The following PFKFB1 variants were observed in gnomAD, a reference collection of about 807,000 sequenced individuals.
PFKFB1 encodes the protein 6-phosphofructo-2-kinase/fructose-2,6-bisphosphatase 1.
Under a neutral mutation model 46.4 loss-of-function variants are expected in PFKFB1, and 34 were observed. The observed-to-expected ratio is 0.73, with a 90% confidence interval of 0.56 to 0.98. The LOEUF (loss-of-function observed/expected upper bound fraction) is 0.98, where lower values mean the gene tolerates loss of function less well. Among genes scored for constraint, PFKFB1 ranks in the 50% least tolerant of loss-of-function variants. The pLI is 0.00. For synonymous variants in PFKFB1, 119 were observed against 133.8 expected (o/e 0.89, Z 0.76); for missense variants, 393 against 376.3 (o/e 1.04, Z -0.37).
intron 1 of PFKFB1, among the ~76,000 whole-genome samples, chrX:54,984,671 C>A: frequency 9.0e-6 from 1 of 111,694 alleles, no homozygotes; most frequent in Non-Finnish European, 1.9e-5. Context: ...GTGTGTATAG[C>A]CAAGATGAAG....
At chrX:54,940,723 T>TG (rs1406955926) in intron 10 of PFKFB1, among the ~76,000 whole-genome samples, 1 of 111,124 alleles carries the variant, frequency 9.0e-6, no homozygotes, top group Admixed American at 9.6e-5. Context: ...TACAAACCAC[T>TG]GCTCAATGAA....
upstream of PFKFB1, chrX:54,998,505 G>A: frequency 1.1e-6 from 1 of 942,012 alleles, no homozygotes. Flanking sequence ...TGGCATCAAA[G>A]AGGAAGCCTG....
Position 54,958,927 on chromosome X carries a change from T to C in PFKFB1, c.385-2A>G. 1 of 1,147,293 alleles carries C rather than the reference T, an allele frequency of 8.7e-7. No homozygotes were observed. 94.5% of individuals were successfully genotyped at this position (1,147,293 alleles called of 1,213,427 possible). A position where few individuals can be genotyped will look rare whatever the true frequency, so the allele number is the denominator to read the frequency against. Reference sequence around the variant, plus strand: ...GGTAGTGTTGGTGGCATCAAAAACCTAGAGGCAGGTAATGAGATTGGCTTA... The same window carrying C: ...GGTAGTGTTGGTGGCATCAAAAACCCAGAGGCAGGTAATGAGATTGGCTTA... On this transcript the variant is annotated splice_acceptor_variant, in intron 4 of 13. Coordinates refer to ENST00000375006, the MANE Select transcript of PFKFB1 (RefSeq NM_002625.4). LOFTEE classifies it high-confidence loss of function.
At chrX:54,951,794 C>T (rs1933983461) in intron 8 of PFKFB1, 111 bp downstream of exon 8, 4 of 595,141 alleles carry the variant, frequency 6.7e-6, no homozygotes, top group African/African-American at 2.2e-5. Flanking sequence ...TCTGCTTCTC[C>T]CCCATCCCTG....
At chrX:54,991,613 A>G (rs1315043088) in intron 1 of PFKFB1, among the ~76,000 whole-genome samples, 1 of 108,932 alleles carries the variant, frequency 9.2e-6, no homozygotes, top group Non-Finnish European at 1.9e-5. Flanking sequence ...TCCAAAATTT[A>G]TGGAGAAGGG....
intron 11 of PFKFB1, 54 bp from the exon 12 acceptor site, chrX:54,935,063 C>A (rs1569546579): frequency 1.1e-6 from 1 of 935,980 alleles, no homozygotes; most frequent in East Asian, 3.2e-5. Flanking sequence ...CAGGACACAG[C>A]CTCCCCAGGC....
chrX:54,985,063 C>A (rs761683917), intron 1 of PFKFB1, among the ~76,000 whole-genome samples: 20 of 110,506 alleles, frequency 1.8e-4, no homozygotes, highest in South Asian at 7.7e-4. Flanking sequence ...ACTCTCCCCC[C>A]AAAACTAACT....
intron 1 of PFKFB1, among the ~76,000 whole-genome samples, chrX:54,966,019 T>A (rs1934464040): frequency 9.0e-6 from 1 of 110,526 alleles, no homozygotes. Context: ...GAAAGCCAAA[T>A]ACAGTAAATA....
chrX:54,985,347 C>T (rs1444329899), intron 1 of PFKFB1, among the ~76,000 whole-genome samples: 1 of 111,660 alleles, frequency 9.0e-6, no homozygotes, highest in Middle Eastern at 4.2e-3. Flanking sequence ...AAACAAAATA[C>T]AGCATTCAGC....
At chrX:54,982,090 C>T (rs925416110) in intron 1 of PFKFB1, among the ~76,000 whole-genome samples, 3 of 111,603 alleles carry the variant, frequency 2.7e-5, no homozygotes, top group African/African-American at 9.7e-5. Flanking sequence ...AAAACAGGCA[C>T]TCGAATAATC....
At chrX:54,988,709 T>A (rs746079735) in intron 1 of PFKFB1, among the ~76,000 whole-genome samples, 7 of 111,723 alleles carry the variant, frequency 6.3e-5, no homozygotes, top group Non-Finnish European at 1.1e-4. Context: ...CTGATTTTCA[T>A]CAAGGGTGCC....
At chrX:54,985,877 G>A (rs933626404) in intron 1 of PFKFB1, among the ~76,000 whole-genome samples, 18 of 109,589 alleles carry the variant, frequency 1.6e-4, no homozygotes, top group South Asian at 1.2e-3. Flanking sequence ...GAACAACCAC[G>A]AAGAATATAC....
intron 1 of PFKFB1, among the ~76,000 whole-genome samples, chrX:54,981,141 G>T (rs1328892611): frequency 9.0e-6 from 1 of 110,766 alleles, no homozygotes; most frequent in Non-Finnish European, 1.9e-5. Context: ...AAAACACATG[G>T]CTAGAATGAT....
chrX:54,939,101 G>A (rs930810681), intron 10 of PFKFB1, among the ~76,000 whole-genome samples: 4 of 111,602 alleles, frequency 3.6e-5, no homozygotes, highest in South Asian at 3.8e-4. Flanking sequence ...ATGCAAAACC[G>A]CTCAGCTACA....
intron 11 of PFKFB1, among the ~76,000 whole-genome samples, chrX:54,935,816 G>T (rs1431461880): frequency 9.0e-6 from 1 of 111,446 alleles, no homozygotes; most frequent in African/African-American, 3.3e-5. Flanking sequence ...AAACCCACCT[G>T]CTAGGCACTC....
intron 7 of PFKFB1, among the ~76,000 whole-genome samples, chrX:54,954,078 A>C (rs889665256): frequency 2.9e-4 from 32 of 112,042 alleles, no homozygotes; most frequent in African/African-American, 1.0e-3. Context: ...TTTATTTAAA[A>C]ATTTTTTAAA....
Position 54,934,985 on chromosome X carries a change from G to A in PFKFB1, c.1253C>T (p.Pro418Leu), listed in dbSNP as rs1933336911. 1.7e-6 allele frequency: 2 copies of A among 1,206,750 alleles called. No homozygotes were observed. The highest frequency in any genetic ancestry group is 2.2e-6 in the Non-Finnish European group (2 of 891,777). The change falls in exon 12 of 14, where the codon CCT becomes CTT. Residue 418 changes from proline (P) to leucine (L), a missense_variant. Coordinates refer to ENST00000375006, the MANE Select transcript of PFKFB1 (RefSeq NM_002625.4). ...SSDELPYLKC[P>L]LHTVLKLTPV... is the part of the protein sequence containing the mutation. ...AGTGAGTTTGAGCACTGTGTGCAGA[G>A]GGCACTTGAGATATGGAAGCTCATC... is the stretch of plus-strand genomic sequence containing the variant.
Position 54,945,462 on chromosome X carries a change from G to A in PFKFB1, c.1075C>T (p.Arg359Cys), listed in dbSNP as rs771700798. 6 of 1,195,298 alleles carry A rather than the reference G, an allele frequency of 5.0e-6. No homozygotes were observed. The highest frequency in any genetic ancestry group is 5.9e-5 in the East Asian group (2 of 33,671). Reference sequence around the variant, plus strand: ...ACCTCTCCCTTGGGATAGCGGTAGCGATATTTATCTTGGTCTCGCAGTGCA... The same window carrying A: ...ACCTCTCCCTTGGGATAGCGGTAGCAATATTTATCTTGGTCTCGCAGTGCA... ...EFALRDQDKYRYRYPKGESYE... is the reference protein window; with the variant it reads ...EFALRDQDKYCYRYPKGESYE... Residue 359 changes from arginine (R) to cysteine (C), a missense_variant, in exon 10 of 14, where the codon CGC becomes TGC. Transcript: ENST00000375006.
At chrX:54,949,720 G>A (rs1231932919) in intron 8 of PFKFB1, among the ~76,000 whole-genome samples, 1 of 112,308 alleles carries the variant, frequency 8.9e-6, no homozygotes, top group Non-Finnish European at 1.9e-5. Context: ...CCCCTTGGTC[G>A]TGTGATATGG....
Sources: gnomAD v4.1 joint callset for allele counts (sites outside exome capture counted in the v4.1 genomes callset) on GRCh38, gnomAD v4.1.1 for gene constraint, MANE v1.5 for transcripts, NCBI Gene and HGNC (gene_info 2026-07-23, HGNC 2026-07-21) for gene names.